Variants in ELOVL2 observed in about 807,000 individuals in gnomAD.
The protein encoded by ELOVL2 is ELOVL fatty acid elongase 2, also known as very long chain fatty acid elongase 2.
Under a neutral mutation model 37.7 loss-of-function variants are expected in ELOVL2, and 38 were observed. That is an observed-to-expected ratio of 1.01 (90% confidence interval 0.78 to 1.32). The LOEUF is 1.32. Ranked by LOEUF, ELOVL2 falls within the 40% of genes most tolerant of loss-of-function variation. The pLI is 0.00. For missense variants in ELOVL2, 352 were observed against 363.6 expected, an observed-to-expected ratio of 0.97 and a Z score of 0.26; for synonymous variants, 115 against 122.3, an observed-to-expected ratio of 0.94 and a Z score of 0.40.
chr6:10,986,907 T>C (rs1782062606), intron 7 of ELOVL2, among the ~76,000 whole-genome samples: 2 of 152,244 alleles, frequency 1.3e-5, no homozygotes, highest in Non-Finnish European at 2.9e-5. Flanking sequence ...TTGATTGGAA[T>C]GGTTTCAGAA....
intron 7 of ELOVL2, 21 bp from the exon 8 acceptor site, chr6:10,983,927 G>A: frequency 1.3e-6 from 2 of 1,589,572 alleles, no homozygotes; most frequent in Admixed American, 1.8e-5. Flanking sequence ...TGTATATTTT[G>A]AAGAGAAAAA....
rs199986191 is a variant in ELOVL2 at position 11,011,365 on chromosome 6, C to CAAA, written c.4-559_4-557dup. 2.4e-3 allele frequency among the ~76,000 whole-genome samples: 261 copies of CAAA among 109,182 alleles called. 1 individual carries two copies. The highest frequency in any genetic ancestry group is 7.3e-3 in the African/African-American group (231 of 31,716). 71.6% of individuals were successfully genotyped at this position (109,182 alleles called of 152,430 possible). ...TGGGCGACAGAGTGAGACTCTGTCT[C>CAAA]AAAAAAAAAAAAGAAAAAAAAACAT... On this transcript the variant is annotated intron_variant, in intron 1 of 7. Coordinates refer to ENST00000354666, the MANE Select transcript of ELOVL2 (RefSeq NM_017770.4).
intron 7 of ELOVL2, among the ~76,000 whole-genome samples, chr6:10,986,330 T>C (rs184997481): frequency 2.2e-4 from 34 of 152,364 alleles, no homozygotes; most frequent in African/African-American, 7.7e-4. Context: ...CCTAATTGAA[T>C]ACCCTTTATT....
At chr6:10,994,449 CAA>C (rs1015653890) in intron 5 of ELOVL2, among the ~76,000 whole-genome samples, 3 of 124,412 alleles carry the variant, frequency 2.4e-5, no homozygotes, top group South Asian at 5.2e-4. Flanking sequence ...GCCTGGGCAA[CAA>C]GAGTGAAATT....
rs533804333 is a variant in ELOVL2, at chr6:10,998,273, T to C, written c.333+1814A>G. Among the ~76,000 whole-genome samples the C allele has an allele frequency of 1.4e-4, 22 of 152,288 alleles. No homozygotes were observed. In the Middle Eastern group the frequency reaches 0.01, roughly 71 times the overall value. The stretch of plus-strand genomic sequence containing the variant: ...AGCCTCAGGTATTCCTTTATAGCAA[T>C]GCAAAACAAACTAATACGATCCATT... On this transcript the variant is annotated intron_variant, in intron 4 of 7. Coordinates refer to ENST00000354666, the MANE Select transcript of ELOVL2 (RefSeq NM_017770.4).
rs532611552 is a variant in ELOVL2, at chr6:11,003,640, T to C, written c.255+1732A>G. On this transcript the variant is annotated intron_variant, in intron 3 of 7. Transcript: ENST00000354666. Reference sequence around the variant, plus strand: ...TTATGGAAAACAATCCAAGAGTATCTTGCCTTCTGCTATATAGAGAAACGA... The same window carrying C: ...TTATGGAAAACAATCCAAGAGTATCCTGCCTTCTGCTATATAGAGAAACGA... Among the ~76,000 whole-genome samples the C allele has an allele frequency of 6.6e-5, 10 of 152,350 alleles. 1 individual carries two copies. Among genetic ancestry groups the C allele is most frequent in the Admixed American group, 5.9e-4 (9 of 15,304 alleles).
chr6:10,985,750 G>A (rs1301452611), intron 7 of ELOVL2, among the ~76,000 whole-genome samples: 2 of 151,996 alleles, frequency 1.3e-5, no homozygotes, highest in Non-Finnish European at 2.9e-5. Flanking sequence ...GGTTACTGTA[G>A]CCTTGTAGTA....
chr6:11,003,852 C>T (rs555014814), intron 3 of ELOVL2, among the ~76,000 whole-genome samples: 8 of 151,940 alleles, frequency 5.3e-5, no homozygotes, highest in East Asian at 3.9e-4. Flanking sequence ...GAGGCCGAGG[C>T]GGGTGGATCA....
At chr6:10,994,483 A>AAAAGAAAAG (rs1554111121) in intron 5 of ELOVL2, among the ~76,000 whole-genome samples, 39 of 146,088 alleles carry the variant, frequency 2.7e-4, no homozygotes, top group African/African-American at 8.1e-4. Flanking sequence ...AAAAAAAAAA[A>AAAAGAAAAG]GAACAAATAT....
chr6:10,985,160 CTTCT>C (rs1782024451), intron 7 of ELOVL2, among the ~76,000 whole-genome samples: 1 of 152,084 alleles, frequency 6.6e-6, no homozygotes, highest in Non-Finnish European at 1.5e-5. Flanking sequence ...GCATAAATGT[CTTCT>C]TTTGAGAAGT....
At chr6:11,010,459 T>C (rs565008340) in intron 2 of ELOVL2, among the ~76,000 whole-genome samples, 94 of 152,336 alleles carry the variant, frequency 6.2e-4, no homozygotes, top group African/African-American at 2.1e-3. Flanking sequence ...GAAGGAAAGT[T>C]ACAACCCGGC....
chr6:11,000,433 T>C (rs9468218), intron 3 of ELOVL2, among the ~76,000 whole-genome samples: 3,573 of 152,282 alleles, frequency 0.023, 155 homozygotes, highest in East Asian at 0.19. Flanking sequence ...TATCATTTGA[T>C]TCACAAAATT....
intron 6 of ELOVL2, among the ~76,000 whole-genome samples, 172 bp downstream of exon 6, chr6:10,990,146 A>G (rs181645427): frequency 6.6e-6 from 1 of 152,106 alleles, no homozygotes; most frequent in East Asian, 1.9e-4. Flanking sequence ...ATAAGCTAAT[A>G]GCATGCACAA....
At position 10,983,619 on chromosome 6, in the gene ELOVL2, A is replaced by G. The variant is rs1432590993; in HGVS notation, c.*162T>C. The stretch of plus-strand genomic sequence containing the variant: ...ATGCTGATCAAAGCATTCAGTTAAC[A>G]GATTAACCTAATAGCAATATATTAA... On this transcript the variant is annotated 3_prime_UTR_variant, in exon 8 of 8. Transcript: ENST00000354666. 1 of 776,812 alleles carries G rather than the reference A, an allele frequency of 1.3e-6. No individual in the cohort carries two copies. Among genetic ancestry groups the G allele is most frequent in the African/African-American group, 1.8e-5 (1 of 56,420 alleles). The allele number at this position is 776,812 out of a possible 1,614,324, so 48.1% of individuals were successfully genotyped here.
chr6:11,042,475 G>C (rs1401710555), intron 1 of ELOVL2, among the ~76,000 whole-genome samples: 2 of 152,008 alleles, frequency 1.3e-5, no homozygotes, highest in Admixed American at 6.6e-5. Context: ...AGCTCTTTTA[G>C]GTTAACATTC....
intron 7 of ELOVL2, among the ~76,000 whole-genome samples, chr6:10,984,447 T>G (rs1165908121): frequency 2.0e-5 from 3 of 151,372 alleles, no homozygotes; most frequent in Non-Finnish European, 4.4e-5. Context: ...GCCATGCTGG[T>G]GTGCTGCACC....
intron 4 of ELOVL2, among the ~76,000 whole-genome samples, chr6:10,998,847 C>T (rs1054674510): frequency 1.3e-5 from 2 of 152,154 alleles, no homozygotes; most frequent in Non-Finnish European, 2.9e-5. Context: ...TTTCTGTAGA[C>T]AGAGCTGAAA....
At chr6:11,000,579 A>G (rs1782362781) in intron 3 of ELOVL2, among the ~76,000 whole-genome samples, 2 of 152,350 alleles carry the variant, frequency 1.3e-5, no homozygotes, top group South Asian at 4.1e-4. Context: ...ATAATTTTTA[A>G]AAATACATAT....
chr6:11,032,342 CAAAAAAAAAAA>C (rs4053074), intron 1 of ELOVL2, among the ~76,000 whole-genome samples: 1 of 119,216 alleles, frequency 8.4e-6, no homozygotes, highest in South Asian at 2.9e-4. Context: ...GTTTCCTATA[CAAAAAAAAAAA>C]AAAAAAAAAT....
Sources: allele counts gnomAD v4.1 joint callset (sites outside exome capture counted in the v4.1 genomes callset), GRCh38; gene constraint gnomAD v4.1.1; transcripts MANE v1.5; gene names NCBI Gene and HGNC (gene_info 2026-07-23, HGNC 2026-07-21).